PKD1: variants seen among roughly 807,000 people sequenced by gnomAD.
PKD1 encodes polycystin 1, transient receptor potential channel interacting.
PKD1 carries 81 observed loss-of-function variants against 361.7 expected under a neutral mutation model. The observed-to-expected ratio is 0.22, with a 90% CI of 0.19 to 0.27. The LOEUF is 0.27. PKD1 is among the 10% of genes least tolerant of loss of function. The pLI is 1.00. For missense variants in PKD1, 6,399 were observed against 6,118.3 expected (o/e 1.05, Z -1.53); for synonymous variants, 3,615 against 2,818.3 (o/e 1.28, Z -8.95).
intron 41 of PKD1, 71 bp downstream of exon 41, chr16:2,091,710 G>A (rs912121307): frequency 1.3e-6 from 2 of 1,586,584 alleles, no homozygotes; most frequent in Non-Finnish European, 1.7e-6. Context: ...AGCGGGGGCC[G>A]GAGGAGTGAG....
rs1596501072 is a variant in PKD1 at position 2,097,328 on chromosome 16, A to C, written c.10396T>G (p.Ser3466Ala). 6 of 1,612,872 alleles carry C rather than the reference A, an allele frequency of 3.7e-6. No homozygotes were observed. The highest frequency in any genetic ancestry group is 2.2e-5 in the East Asian group (1 of 44,876). ...ASPYSPAKSF[S>A]ASDEDLIQQV... Reference sequence around the variant, plus strand: ...TCTCACCCCAGCTCACCTGATGCTGAGAAGGATTTGGCAGGCGAGTAGGGG... The same window carrying C: ...TCTCACCCCAGCTCACCTGATGCTGCGAAGGATTTGGCAGGCGAGTAGGGG... The change falls in exon 33 of 46, where the codon TCA becomes GCA. Residue 3466 changes from serine (S) to alanine (A), a missense_variant. Coordinates refer to ENST00000262304, the MANE Select transcript of PKD1 (RefSeq NM_001009944.3).
At chr16:2,103,080 G>A in intron 23 of PKD1, 110 bp from the exon 24 acceptor site, 3 of 1,348,538 alleles carry the variant, frequency 2.2e-6, no homozygotes, top group Non-Finnish European at 3.1e-6. Flanking sequence ...AAAGGCCATA[G>A]GAGCCTCTGC....
intron 16 of PKD1, chr16:2,107,194 A>G (rs34673494): frequency 0.097 from 54,246 of 561,618 alleles, 3,023 homozygotes; most frequent in African/African-American, 0.14. Context: ...GCTGGACCCT[A>G]GCAGGAGGCA....
intron 30 of PKD1, chr16:2,098,967 AC>A (rs920394671): frequency 1.8e-5 from 3 of 162,576 alleles, no homozygotes; most frequent in African/African-American, 7.6e-5. Context: ...AGTAGCTGGG[AC>A]TACAGGCGCC....
chr16:2,092,665 C>T, intron 38 of PKD1, 73 bp from the exon 39 acceptor site: 1 of 1,101,320 alleles, frequency 9.1e-7, no homozygotes, highest in South Asian at 1.3e-5. Context: ...CCACCAGAGA[C>T]CCAGGGAACA....
At position 2,090,521 on chromosome 16, in the gene PKD1, C is replaced by A; in HGVS notation, c.12208G>T (p.Gly4070Trp). 1 of 1,610,808 alleles carries A rather than the reference C, an allele frequency of 6.2e-7. No homozygotes were observed. The highest frequency in any genetic ancestry group is 1.7e-5 in the Admixed American group (1 of 59,890). ...TCGGCAGGACACAGGGTAGAGAGCCCAGTCCCAGGGCACAGCACCAACAGG... is the reference window on the plus strand; with the variant it reads ...TCGGCAGGACACAGGGTAGAGAGCCAAGTCCCAGGGCACAGCACCAACAGG... ...QALLVLCPGT[G>W]LSTLCPAESW... The change falls in exon 45 of 46, where the codon GGG becomes TGG. Residue 4070 changes from glycine to tryptophan, a missense_variant. Physicochemically the swap from Gly to Trp is radical, Grantham distance 184. Transcript: ENST00000262304.
rs1229327536 is a variant in PKD1, at chr16:2,092,680, T to TCC, written c.11157-90_11157-89dup. 4.0e-6 allele frequency: 4 copies of TCC among 988,942 alleles called. No homozygotes were observed. In the East Asian group the frequency reaches 1.0e-4, roughly 25 times the overall value. 61.3% of individuals were successfully genotyped at this position (988,942 alleles called of 1,614,324 possible). On this transcript the variant is annotated intron_variant, in intron 38 of 45. Coordinates refer to ENST00000262304, the MANE Select transcript of PKD1 (RefSeq NM_001009944.3). The stretch of plus-strand genomic sequence containing the variant: ...CCACCAGAGACCCAGGGAACATGGC[T>TCC]CCCACTGCCCTGCTGGCCACGGCTA...
In PKD1 at chr16:2,112,912, C is replaced by G. The variant is rs1301518884; in HGVS notation, c.3037G>C (p.Val1013Leu). ...CCCTGCATCCTGTTCATCCGCTCCA[C>G]GGTTACGTTGTAGTTCACGGTGACG... ...SNVTVNYNVTVERMNRMQGLQ... is the reference protein window; with the variant it reads ...SNVTVNYNVTLERMNRMQGLQ... The change falls in exon 13 of 46, where the codon GTG becomes CTG. Residue 1013 changes from valine to leucine, a missense_variant. Transcript: ENST00000262304. 1 of 1,606,068 alleles carries G rather than the reference C, an allele frequency of 6.2e-7. No individual in the cohort carries two copies. The highest frequency in any genetic ancestry group is 1.3e-5 in the African/African-American group (1 of 74,854).
rs1555444468 is a variant in PKD1 at position 2,090,335 on chromosome 16, ACTC to A, written c.12391_12393del (p.Glu4131del). 1 of 1,611,006 alleles carries A rather than the reference ACTC, an allele frequency of 6.2e-7. No homozygotes were observed. Among genetic ancestry groups the A allele is most frequent in the East Asian group, 2.2e-5 (1 of 44,812 alleles). On this transcript the variant is annotated inframe_deletion, in exon 45 of 46. Coordinates refer to ENST00000262304, the MANE Select transcript of PKD1 (RefSeq NM_001009944.3). ...CAGAGGCGCAGCCTGCGCAGGAACA[ACTC>A]CACCATCTCGTAGTCCTGGGGCTCC...
chr16:2,115,395 G>A lies in PKD1; in HGVS notation c.2080C>T (p.Pro694Ser), dbSNP rs2092614985. ...REFLFSVPAG[P>S]PAQYSVTLHG... ...CCACACACCGAGTACTGCGCGGGGG[G>A]CCCCGCGGGAACGGAGAAGAGGAAC... Residue 694 changes from proline (P) to serine (S), a missense_variant, in exon 10 of 46, where the codon CCC becomes TCC. Transcript: ENST00000262304. 9 of 1,555,610 alleles carry A rather than the reference G, an allele frequency of 5.8e-6. No individual in the cohort carries two copies. Among genetic ancestry groups the A allele is most frequent in the Non-Finnish European group, 7.9e-6 (9 of 1,146,496 alleles).
intron 1 of PKD1, among the ~76,000 whole-genome samples, chr16:2,125,153 G>A (rs1309844093): frequency 6.6e-6 from 1 of 152,236 alleles, no homozygotes; most frequent in Non-Finnish European, 1.5e-5. Context: ...GGCTTCCAGG[G>A]CCGGAAATGA....
At position 2,109,068 on chromosome 16, in the gene PKD1, C is replaced by T. The variant is rs376744819; in HGVS notation, c.6099G>A (p.Ala2033=). The T allele has an allele frequency of 2.8e-4, 449 of 1,605,992 alleles. 2 individuals carry two copies. Among genetic ancestry groups the T allele is most frequent in the South Asian group, 2.4e-3 (217 of 90,918 alleles). Residue 2033 remains alanine (A), a synonymous_variant, in exon 15 of 46, where the codon GCG becomes GCA. Coordinates refer to ENST00000262304, the MANE Select transcript of PKD1 (RefSeq NM_001009944.3). ...CGCGCACCTGGATCTCCAACAGCCC[C>T]GCGGCCACGGGCGTGTAGGTGACGT... ...GRDVTYTPVA[A]GLLEIQVRAF... is the part of the protein sequence containing the mutation.
At position 2,106,200 on chromosome 16, in the gene PKD1, G is replaced by A. The variant is rs770827043; in HGVS notation, c.7594C>T (p.Leu2532Phe). 23 of 1,610,080 alleles carry A rather than the reference G, an allele frequency of 1.4e-5. No individual in the cohort carries two copies. Among genetic ancestry groups the A allele is most frequent in the South Asian group, 1.3e-4 (12 of 90,990 alleles). Residue 2532 changes from leucine (L) to phenylalanine (F), a missense_variant, in exon 19 of 46, where the codon CTC (leucine) becomes TTC (phenylalanine). Physicochemically the swap from Leu to Phe is conservative, Grantham distance 22. Transcript: ENST00000262304. This position sits in a 1 kb window ranked among gnomAD's most constrained non-coding sequence, Gnocchi z 6.5. ...CEEFCVYKGS[L>F]SSYGAVLPPG... Reference sequence around the variant, plus strand: ...GGCAGCACGGCTCCGTAGCTGGAGAGGCTGCCCTTGTAGACACAGAACTCC... The same window carrying A: ...GGCAGCACGGCTCCGTAGCTGGAGAAGCTGCCCTTGTAGACACAGAACTCC...
chr16:2,097,553 A>G (rs759984517), intron 32 of PKD1, 50 bp from the exon 33 acceptor site: 3 of 1,603,818 alleles, frequency 1.9e-6, no homozygotes, highest in Non-Finnish European at 2.5e-6. Context: ...TCACACACAC[A>G]GCCCACCCCC....
chr16:2,107,649 G>A (rs890319047), intron 16 of PKD1: 377 of 611,050 alleles, frequency 6.2e-4, no homozygotes, highest in South Asian at 1.8e-3. Flanking sequence ...TATTGCTAGG[G>A]GACTGTGTAG....
intron 1 of PKD1, chr16:2,123,337 G>T (rs1193931190): frequency 5.7e-6 from 2 of 351,652 alleles, no homozygotes; most frequent in East Asian, 1.6e-4. Flanking sequence ...CAGCCCCCAG[G>T]GTGTGGAAGC....
At chr16:2,125,355 C>T (rs1038928955) in intron 1 of PKD1, among the ~76,000 whole-genome samples, 1 of 152,184 alleles carries the variant, frequency 6.6e-6, no homozygotes, top group African/African-American at 2.4e-5. Context: ...GCTGCCAGGC[C>T]CCAAGCAACA....
rs545112987 is a variant in PKD1, at chr16:2,100,440, C to T, written c.9524G>A (p.Ser3175Asn). Residue 3175 changes from serine to asparagine, a missense_variant, in exon 27 of 46, where the codon AGC becomes AAC. Transcript: ENST00000262304. This position sits in a 1 kb window ranked among gnomAD's most constrained non-coding sequence, Gnocchi z 4.4. ...LDIFRIATPHSLGSVWKIRVW... is the reference protein window; with the variant it reads ...LDIFRIATPHNLGSVWKIRVW... ...TCGGATCTTCCACACGCTACCCAGGCTGTGCGGGGTGGCGATCCGGAAGAT... is the reference window on the plus strand; with the variant it reads ...TCGGATCTTCCACACGCTACCCAGGTTGTGCGGGGTGGCGATCCGGAAGAT... The T allele has an allele frequency of 6.2e-7, 1 of 1,611,040 alleles. No homozygotes were observed. Among genetic ancestry groups the T allele is most frequent in the East Asian group, 2.2e-5 (1 of 44,874 alleles).
In PKD1 at chr16:2,115,615, C is replaced by A. The variant is rs1376740673; in HGVS notation, c.1860G>T (p.Glu620Asp). The part of the protein sequence containing the change: ...YRLLSTAGTP[E>D]NGSEPESRSP... Reference sequence around the variant, plus strand: ...ACCTGCTCTCAGGCTCGCTGCCGTTCTCCGGGGTCCCTGTGAGGAGGGGAG... The same window carrying A: ...ACCTGCTCTCAGGCTCGCTGCCGTTATCCGGGGTCCCTGTGAGGAGGGGAG... The change falls in exon 10 of 46, where the codon GAG (glutamate) becomes GAT (aspartate). Residue 620 changes from glutamate (E) to aspartate (D), a missense_variant. Physicochemically the swap from Glu to Asp is conservative, Grantham distance 45. Coordinates refer to ENST00000262304, the MANE Select transcript of PKD1 (RefSeq NM_001009944.3). 5 of 1,601,234 alleles carry A rather than the reference C, an allele frequency of 3.1e-6. No individual in the cohort carries two copies. In the South Asian group the frequency reaches 4.4e-5, roughly 14 times the overall value.
Sources: gnomAD v4.1 joint callset for allele counts (sites outside exome capture counted in the v4.1 genomes callset) on GRCh38, gnomAD v4.1.1 for gene constraint, Gnocchi (gnomAD v3.1) non-coding constraint, MANE v1.5 for transcripts, NCBI Gene and HGNC (gene_info 2026-07-23, HGNC 2026-07-21) for gene names.